DLG2: variants seen among roughly 807,000 people sequenced by gnomAD.
The protein encoded by DLG2 is discs large MAGUK scaffold protein 2, also known as disks large homolog 2.
In DLG2, 45 loss-of-function variants were observed where a neutral mutation model predicts 132.5. That is an observed-to-expected ratio of 0.34 (90% CI 0.27 to 0.44). The LOEUF (loss-of-function observed/expected upper bound fraction) is 0.44, where lower values mean the gene tolerates loss of function less well. Among genes scored for constraint, DLG2 ranks in the 20% least tolerant of loss-of-function variants. The pLI is 1.00. For synonymous variants in DLG2, 424 were observed against 419.6 expected, an observed-to-expected ratio of 1.01 and a Z score of -0.13; for missense variants, 1,045 against 1,196.9, an observed-to-expected ratio of 0.87 and a Z score of 1.87.
chr11:85,061,459 G>A (rs2064126348), intron 6 of DLG2, among the ~76,000 whole-genome samples: 1 of 151,804 alleles, frequency 6.6e-6, no homozygotes, highest in Non-Finnish European at 1.5e-5. Context: ...CTCAGTCGCT[G>A]CAACAAATGT....
At chr11:84,055,807 C>A (rs958925610) in intron 11 of DLG2, among the ~76,000 whole-genome samples, 1 of 152,082 alleles carries the variant, frequency 6.6e-6, no homozygotes, top group Non-Finnish European at 1.5e-5. Context: ...GTTTTCCCCA[C>A]CAGGCTATCA....
At chr11:83,979,563 G>T (rs12804520) in intron 12 of DLG2, among the ~76,000 whole-genome samples, 4,715 of 152,154 alleles carry the variant, frequency 0.031, 118 homozygotes, top group Non-Finnish European at 0.047. Flanking sequence ...TTTGCTTTAG[G>T]TTATCATATA....
At chr11:83,580,303 A>G (rs1050910775) in intron 19 of DLG2, among the ~76,000 whole-genome samples, 3 of 152,082 alleles carry the variant, frequency 2.0e-5, no homozygotes, top group African/African-American at 4.8e-5. Flanking sequence ...TTTAAAAGAC[A>G]GTTACCATAA....
At chr11:84,297,010 G>A (rs890796523) in intron 7 of DLG2, among the ~76,000 whole-genome samples, 1 of 151,926 alleles carries the variant, frequency 6.6e-6, no homozygotes, top group African/African-American at 2.4e-5. Flanking sequence ...TCTACAGCCT[G>A]TGGTCAGTAT....
intron 3 of DLG2, among the ~76,000 whole-genome samples, chr11:85,335,764 G>A (rs2082083259): frequency 6.6e-6 from 1 of 151,966 alleles, no homozygotes; most frequent in Non-Finnish European, 1.5e-5. Context: ...TGGAGATGGG[G>A]GCGGAGGGCA....
rs147245671 is a variant in DLG2, at chr11:83,772,912, G to A, written c.1825+13778C>T. Reference sequence around the variant, plus strand: ...AGAAGAAATTGGGATCAATGGAGACGAAGAGGATATGTGACTTCTCAGTGT... The same window carrying A: ...AGAAGAAATTGGGATCAATGGAGACAAAGAGGATATGTGACTTCTCAGTGT... On this transcript the variant is annotated intron_variant, in intron 18 of 27. Transcript: ENST00000376104. 1.8e-4 allele frequency among the ~76,000 whole-genome samples: 28 copies of A among 152,294 alleles called. No homozygotes were observed. The East Asian group carries it at 2.1e-3, about 12-fold the overall frequency.
intron 7 of DLG2, among the ~76,000 whole-genome samples, chr11:84,338,298 G>T (rs1260202317): frequency 1.3e-5 from 2 of 151,882 alleles, no homozygotes; most frequent in Admixed American, 6.6e-5. Context: ...TTTCCTTGAT[G>T]AACTCTATTC....
chr11:85,335,669 G>T (rs1461594552), intron 3 of DLG2, among the ~76,000 whole-genome samples: 1 of 152,068 alleles, frequency 6.6e-6, no homozygotes, highest in African/African-American at 2.4e-5. Flanking sequence ...TGCTTATGAA[G>T]CTTAGTTTGG....
intron 4 of DLG2, among the ~76,000 whole-genome samples, chr11:85,156,847 A>G (rs1216040662): frequency 2.0e-5 from 3 of 152,188 alleles, no homozygotes; most frequent in Non-Finnish European, 4.4e-5. Flanking sequence ...CAGAGCCCTT[A>G]TTCATTGTTT....
chr11:83,665,942 A>T (rs2075429454), intron 18 of DLG2, among the ~76,000 whole-genome samples: 1 of 152,168 alleles, frequency 6.6e-6, no homozygotes, highest in Non-Finnish European at 1.5e-5. Context: ...GGACTATCAC[A>T]TTCCACGGGA....
At chr11:83,817,108 G>C (rs1594863612) in intron 17 of DLG2, among the ~76,000 whole-genome samples, 1 of 152,136 alleles carries the variant, frequency 6.6e-6, no homozygotes, top group East Asian at 1.9e-4. Context: ...AGGTAAACAA[G>C]ACAAGCATTG....
At chr11:83,600,236 G>GGGGTGTGTGTGTGTGTGT (rs142616504) in intron 19 of DLG2, among the ~76,000 whole-genome samples, 2 of 145,512 alleles carry the variant, frequency 1.4e-5, no homozygotes, top group African/African-American at 5.1e-5. Flanking sequence ...CTAGCTATAG[G>GGGGTGTGTGTGTGTGTGT]GTGTGTGTGT....
chr11:83,874,024 T>TA (rs1343187379), intron 16 of DLG2, among the ~76,000 whole-genome samples: 1 of 152,088 alleles, frequency 6.6e-6, no homozygotes, highest in Non-Finnish European at 1.5e-5. Context: ...TTATTAAATC[T>TA]AGTACCTAGC....
chr11:83,488,733 C>T (rs1352965237), intron 21 of DLG2, among the ~76,000 whole-genome samples: 4 of 151,842 alleles, frequency 2.6e-5, no homozygotes, highest in Non-Finnish European at 1.5e-5. Context: ...TTTCTGTGAC[C>T]CCCTTATTGT....
At chr11:84,577,364 G>T (rs2099503491) in intron 6 of DLG2, among the ~76,000 whole-genome samples, 2 of 152,182 alleles carry the variant, frequency 1.3e-5, no homozygotes, top group Non-Finnish European at 2.9e-5. Context: ...GAAGAAGACA[G>T]GAAAATGTGG....
intron 3 of DLG2, among the ~76,000 whole-genome samples, chr11:85,574,193 C>T (rs1022105297): frequency 9.2e-5 from 14 of 151,868 alleles, no homozygotes; most frequent in South Asian, 2.1e-4. Context: ...CATATTATTG[C>T]GCATTTCATG....
intron 6 of DLG2, among the ~76,000 whole-genome samples, chr11:84,622,198 T>C (rs10898278): frequency 0.12 from 18,893 of 152,164 alleles, 1,576 homozygotes; most frequent in African/African-American, 0.23. Flanking sequence ...AGTGTCTTCC[T>C]TTGTGTCAGA....
rs34137957 is a variant in DLG2 at position 84,031,232 on chromosome 11, T to TAAA, written c.919+28080_919+28082dup. Among the ~76,000 whole-genome samples, 27 of 138,676 alleles carry TAAA rather than the reference T, an allele frequency of 1.9e-4. 1 individual carries two copies. The highest frequency in any genetic ancestry group is 6.6e-4 in the African/African-American group (24 of 36,462). 91.0% of individuals were successfully genotyped at this position (138,676 alleles called of 152,430 possible). ...TCATCTCTCCTCTATTCCAGAAAGG[T>TAAA]AAAAAAAAAAAAAAAAATGAATATA... is the stretch of plus-strand genomic sequence containing the variant. On this transcript the variant is annotated intron_variant, in intron 11 of 27. Coordinates refer to ENST00000376104, the MANE Select transcript of DLG2 (RefSeq NM_001142699.3).
rs543465031 is a variant in DLG2, at chr11:85,571,670, C to T, written c.40+26987G>A. On this transcript the variant is annotated intron_variant, in intron 3 of 27. Coordinates refer to ENST00000376104, the MANE Select transcript of DLG2 (RefSeq NM_001142699.3). ...CCAATTTCATAAGAAAAAGTCAGAA[C>T]TTTTCAAAGCCTTTATCCCCAAAGT... 2.0e-5 allele frequency among the ~76,000 whole-genome samples: 3 copies of T among 152,308 alleles called. No homozygotes were observed. The East Asian group carries it at 5.8e-4, about 29-fold the overall frequency.
Sources: allele counts gnomAD v4.1 joint callset (sites outside exome capture counted in the v4.1 genomes callset), GRCh38; gene constraint gnomAD v4.1.1; transcripts MANE v1.5; gene names NCBI Gene and HGNC (gene_info 2026-07-23, HGNC 2026-07-21).